The following ROBO2 variants were observed in gnomAD, a reference collection of about 807,000 sequenced individuals.
ROBO2 encodes the protein roundabout homolog 2.
A neutral mutation model predicts 160.8 loss-of-function variants in ROBO2; 53 were observed. The observed-to-expected ratio is 0.33, with a 90% confidence interval of 0.26 to 0.41. The LOEUF (loss-of-function observed/expected upper bound fraction) is 0.41. Ranked by LOEUF, ROBO2 falls within the 10% of genes least tolerant of loss-of-function variation. The pLI, the probability that ROBO2 is intolerant of heterozygous loss-of-function variation, is 1.00. For missense variants in ROBO2, 1,577 were observed against 1,722.4 expected, an observed-to-expected ratio of 0.92 and a Z score of 1.49; for synonymous variants, 664 against 611.7, an observed-to-expected ratio of 1.09 and a Z score of -1.26.
At chr3:76,025,979 CTT>C (rs2066731826) in intron 2 of ROBO2, among the ~76,000 whole-genome samples, 1 of 151,872 alleles carries the variant, frequency 6.6e-6, no homozygotes, top group Non-Finnish European at 1.5e-5. Flanking sequence ...TGAAATTTCT[CTT>C]TGTCTAAAAC....
chr3:77,325,590 C>A (rs2065293911), intron 2 of ROBO2, among the ~76,000 whole-genome samples: 1 of 152,134 alleles, frequency 6.6e-6, no homozygotes, highest in African/African-American at 2.4e-5. Context: ...TTTGATAGCT[C>A]TGCATCTTGG....
At position 76,971,273 on chromosome 3, in the gene ROBO2, G is replaced by A. The variant is rs543082955; in HGVS notation, c.110-126741G>A. Among the ~76,000 whole-genome samples the A allele has an allele frequency of 2.6e-5, 4 of 152,210 alleles. No homozygotes were observed. In the South Asian group the frequency reaches 6.2e-4, roughly 24 times the overall value. On this transcript the variant is annotated intron_variant, in intron 2 of 26. Transcript: ENST00000487694. The stretch of plus-strand genomic sequence containing the variant: ...CTGCCTCTGACACTATAACTGAAAT[G>A]TGTCACTTCCATTAATACAGAGAGA...
intron 2 of ROBO2, among the ~76,000 whole-genome samples, chr3:76,755,759 G>T (rs2060935950): frequency 1.3e-5 from 2 of 151,810 alleles, no homozygotes; most frequent in East Asian, 2.0e-4. Flanking sequence ...TTTTTGTTTT[G>T]TCCATGGGGT....
chr3:77,635,113 T>A, intron 24 of ROBO2, 70 bp downstream of exon 25: 5 of 1,526,690 alleles, frequency 3.3e-6, no homozygotes, highest in Non-Finnish European at 4.5e-6. Flanking sequence ...TTACTTAGAT[T>A]AATGTAGTCA....
At chr3:76,113,842 C>T (rs1368693977) in intron 2 of ROBO2, among the ~76,000 whole-genome samples, 4 of 152,094 alleles carry the variant, frequency 2.6e-5, no homozygotes, top group Non-Finnish European at 5.9e-5. Context: ...TGGCTTGGCG[C>T]ACTCCCTGTG....
intron 1 of ROBO2, among the ~76,000 whole-genome samples, chr3:77,079,194 A>T (rs1440574682): frequency 6.6e-6 from 1 of 151,886 alleles, no homozygotes; most frequent in Non-Finnish European, 1.5e-5. Flanking sequence ...TGATCCACCC[A>T]CCTCAGCCTC....
At chr3:76,649,322 C>G (rs2091142666) in intron 2 of ROBO2, among the ~76,000 whole-genome samples, 1 of 152,094 alleles carries the variant, frequency 6.6e-6, no homozygotes, top group African/African-American at 2.4e-5. Flanking sequence ...CAGATTAATA[C>G]TTCACACACT....
intron 2 of ROBO2, among the ~76,000 whole-genome samples, chr3:77,299,128 A>G (rs1363555148): frequency 6.6e-6 from 1 of 152,218 alleles, no homozygotes; most frequent in Non-Finnish European, 1.5e-5. Flanking sequence ...GAATGAAAAA[A>G]ATTAGTGCTT....
At chr3:76,833,581 A>T (rs1047939095) in intron 2 of ROBO2, among the ~76,000 whole-genome samples, 1 of 152,206 alleles carries the variant, frequency 6.6e-6, no homozygotes, top group African/African-American at 2.4e-5. Context: ...AAACTTAGAC[A>T]TGCTGGTGGG....
intron 1 of ROBO2, among the ~76,000 whole-genome samples, chr3:77,090,161 G>A (rs1282410462): frequency 6.6e-6 from 1 of 151,778 alleles, no homozygotes; most frequent in Non-Finnish European, 1.5e-5. Flanking sequence ...ATTGACTATT[G>A]TCAATGGGAT....
At chr3:77,644,762 A>T (rs1312990987) in exon 25 of ROBO2, 1 of 1,613,718 alleles carries the variant, frequency 6.2e-7, no homozygotes, top group Non-Finnish European at 8.5e-7. Flanking sequence ...GCCACAGCTC[A>T]TCAGGAACAG....
chr3:77,309,270 AT>A (rs2063349287), intron 2 of ROBO2, among the ~76,000 whole-genome samples: 1 of 152,198 alleles, frequency 6.6e-6, no homozygotes, highest in Non-Finnish European at 1.5e-5. Flanking sequence ...TAAATACATA[AT>A]TCACAGAAAT....
rs184880344 is a variant in ROBO2, at chr3:77,032,868, C to T, written c.110-65146C>T. ...GGGCAAATCTAGAAGTGCCTGGATT[C>T]CATTGGCCAGAACTCAATCACATGA... On this transcript the variant is annotated intron_variant, in intron 2 of 26. Coordinates refer to the ROBO2 transcript ENST00000487694. 9.9e-5 allele frequency among the ~76,000 whole-genome samples: 15 copies of T among 152,230 alleles called. No individual in the cohort carries two copies. The East Asian group carries it at 2.9e-3, about 29-fold the overall frequency.
chr3:76,641,170 A>C (rs2109695290), intron 2 of ROBO2, among the ~76,000 whole-genome samples: 1 of 152,352 alleles, frequency 6.6e-6, no homozygotes, highest in Middle Eastern at 3.4e-3. Context: ...GAAACAGGAT[A>C]CAGGCATAGT....
At chr3:76,752,182 G>T (rs981362446) in intron 2 of ROBO2, among the ~76,000 whole-genome samples, 2 of 151,174 alleles carry the variant, frequency 1.3e-5, no homozygotes, top group African/African-American at 4.9e-5. Flanking sequence ...CTGAACTATC[G>T]CAAGGACAGA....
At chr3:77,635,065 T>C in intron 24 of ROBO2, 22 bp downstream of exon 25, 1 of 1,612,804 alleles carries the variant, frequency 6.2e-7, no homozygotes, top group Non-Finnish European at 8.5e-7. Context: ...CCCTTTACTC[T>C]TGTTTCCTCG....
At chr3:76,001,262 C>T (rs1372238494) in intron 2 of ROBO2, among the ~76,000 whole-genome samples, 8 of 152,038 alleles carry the variant, frequency 5.3e-5, no homozygotes, top group African/African-American at 7.2e-5. Context: ...CATCTCTTCC[C>T]GTTTTTATGT....
At chr3:77,530,711 A>G (rs2091642006) in intron 6 of ROBO2, among the ~76,000 whole-genome samples, 1 of 152,020 alleles carries the variant, frequency 6.6e-6, no homozygotes, top group African/African-American at 2.4e-5. Flanking sequence ...CTATCACTTT[A>G]ATAATTAAAA....
chr3:77,293,314 C>T lies in ROBO2; in HGVS notation c.389-184100C>T, dbSNP rs1321929825. Among the ~76,000 whole-genome samples the T allele has an allele frequency of 5.6e-4, 75 of 133,166 alleles. 1 individual carries two copies. The East Asian group carries it at 0.013, about 23-fold the overall frequency. 87.4% of individuals were successfully genotyped at this position (133,166 alleles called of 152,430 possible). A position where few individuals can be genotyped will look rare whatever the true frequency, so the allele number is the denominator to read the frequency against. On this transcript the variant is annotated intron_variant, in intron 2 of 25. Transcript: ENST00000461745. ...ACATAAAGTAAAATTGATGGTTAAA[C>T]GGGAAGTTGAGGCTAGAACAGTAAA...
Sources: gnomAD v4.1 joint callset for allele counts (sites outside exome capture counted in the v4.1 genomes callset) on GRCh38, gnomAD v4.1.1 for gene constraint, MANE v1.5 for transcripts, NCBI Gene and HGNC (gene_info 2026-07-23, HGNC 2026-07-21) for gene names.